STX2: variants seen among roughly 807,000 people sequenced by gnomAD.
STX2 encodes the protein syntaxin 2, also known as syntaxin-2.
A neutral mutation model predicts 40.6 loss-of-function variants in STX2; 27 were observed. The ratio of observed to expected loss-of-function variants is 0.66; its 90% confidence interval spans 0.49 to 0.92. The LOEUF is 0.92. STX2 is among the 40% of genes least tolerant of loss of function. The pLI is 0.00. For synonymous variants in STX2, 123 were observed against 119.1 expected (o/e 1.03, Z -0.22); for missense variants, 328 against 366.1 (o/e 0.90, Z 0.85).
intron 8 of STX2, among the ~76,000 whole-genome samples, chr12:130,800,271 A>G (rs1296655228): frequency 6.6e-6 from 1 of 151,772 alleles, no homozygotes; most frequent in Non-Finnish European, 1.5e-5. Context: ...AGAGTTCAAT[A>G]TATACATACA....
At chr12:130,831,003 G>C (rs762811373) in intron 1 of STX2, among the ~76,000 whole-genome samples, 1 of 152,218 alleles carries the variant, frequency 6.6e-6, no homozygotes, top group Non-Finnish European at 1.5e-5. Flanking sequence ...TAGCATTATA[G>C]TAAAATCACA....
chr12:130,800,700 C>T (rs145898257), intron 8 of STX2, among the ~76,000 whole-genome samples: 346 of 152,358 alleles, frequency 2.3e-3, no homozygotes, highest in African/African-American at 7.8e-3. Flanking sequence ...GTCTCACTGC[C>T]ATTACACTGT....
chr12:130,804,525 G>C (rs551540694), intron 6 of STX2, among the ~76,000 whole-genome samples: 1 of 152,072 alleles, frequency 6.6e-6, no homozygotes, highest in Admixed American at 6.6e-5. Flanking sequence ...GGCTGCACAC[G>C]TTCTACCCTG....
chr12:130,800,152 T>C (rs1399785162), intron 8 of STX2, among the ~76,000 whole-genome samples: 1 of 152,162 alleles, frequency 6.6e-6, no homozygotes, highest in Non-Finnish European at 1.5e-5. Flanking sequence ...ATCTCCATGG[T>C]ATTTGAAAAA....
chr12:130,793,520 G>A (rs559761810), intron 10 of STX2, among the ~76,000 whole-genome samples: 1 of 152,322 alleles, frequency 6.6e-6, no homozygotes, highest in South Asian at 2.1e-4. Context: ...CTCGATGTGT[G>A]TGCACTTTCC....
At chr12:130,799,678 G>A (rs141095794) in intron 8 of STX2, among the ~76,000 whole-genome samples, 3 of 152,224 alleles carry the variant, frequency 2.0e-5, no homozygotes, top group Non-Finnish European at 4.4e-5. Flanking sequence ...GCCGGGCGTA[G>A]TGGTGCAAAC....
chr12:130,827,408 T>C lies in STX2; in HGVS notation c.31-141A>G. 4 of 630,138 alleles carry C rather than the reference T, an allele frequency of 6.3e-6. No homozygotes were observed. In the South Asian group the frequency reaches 7.4e-5, roughly 12 times the overall value. The allele number at this position is 630,138 out of a possible 1,614,324, so 39.0% of individuals were successfully genotyped here. A position where few individuals can be genotyped will look rare whatever the true frequency, so the allele number is the denominator to read the frequency against. ...ATTGTAACAGACTAGCAGCCACCAC[T>C]ATCTACTCCAACTGAACTCCGCAAC... On this transcript the variant is annotated intron_variant, in intron 1 of 10. Transcript: ENST00000392373.
intron 1 of STX2, 138 bp downstream of exon 1, chr12:130,838,932 C>T: frequency 1.1e-6 from 1 of 937,460 alleles, no homozygotes; most frequent in South Asian, 3.5e-5. Flanking sequence ...ACCCTGCCCG[C>T]AGCCCCCGCC....
chr12:130,809,748 C>T (rs191684689), intron 4 of STX2, among the ~76,000 whole-genome samples: 1 of 152,078 alleles, frequency 6.6e-6, no homozygotes, highest in Non-Finnish European at 1.5e-5. Flanking sequence ...ACTCAGGAGG[C>T]GGAGGTTGCA....
intron 6 of STX2, among the ~76,000 whole-genome samples, chr12:130,802,957 T>C (rs1412180173): frequency 2.0e-5 from 3 of 152,126 alleles, no homozygotes; most frequent in African/African-American, 7.2e-5. Context: ...GGAGAGGAAA[T>C]GGGGAATGAC....
At chr12:130,833,381 C>T (rs1476798570) in intron 1 of STX2, among the ~76,000 whole-genome samples, 2 of 151,140 alleles carry the variant, frequency 1.3e-5, no homozygotes, top group Non-Finnish European at 2.9e-5. Flanking sequence ...GTACTACGTG[C>T]CCTCAAAGCC....
At chr12:130,819,022 A>T (rs1022821976) in intron 3 of STX2, among the ~76,000 whole-genome samples, 1 of 152,272 alleles carries the variant, frequency 6.6e-6, no homozygotes, top group African/African-American at 2.4e-5. Context: ...GTAGAAAGTG[A>T]AAAAAGAAAA....
intron 1 of STX2, among the ~76,000 whole-genome samples, chr12:130,830,137 C>T (rs531658700): frequency 3.1e-4 from 47 of 152,322 alleles, no homozygotes; most frequent in Non-Finnish European, 6.6e-4. Context: ...GGTGGACACC[C>T]ACCACTTCCC....
intron 6 of STX2, among the ~76,000 whole-genome samples, chr12:130,806,384 C>T (rs971597203): frequency 1.3e-5 from 2 of 152,200 alleles, no homozygotes; most frequent in Admixed American, 6.5e-5. Context: ...CCACGGCCCC[C>T]AGTCTCATGG....
intron 3 of STX2, among the ~76,000 whole-genome samples, chr12:130,816,981 C>T (rs1434754383): frequency 6.6e-6 from 1 of 152,100 alleles, no homozygotes; most frequent in East Asian, 1.9e-4. Context: ...GTGCTTCTAG[C>T]CATCTGCCAG....
intron 4 of STX2, among the ~76,000 whole-genome samples, chr12:130,811,579 G>A (rs1204647916): frequency 8.5e-6 from 1 of 117,784 alleles, no homozygotes; most frequent in Non-Finnish European, 1.6e-5. Flanking sequence ...TTGCTCTGTC[G>A]CCCAGGCTGG....
intron 2 of STX2, among the ~76,000 whole-genome samples, chr12:130,825,840 C>T (rs989150396): frequency 2.0e-5 from 3 of 152,070 alleles, no homozygotes; most frequent in Admixed American, 6.5e-5. Flanking sequence ...ATGAAGGTTC[C>T]GTCATTAAAA....
intron 3 of STX2, among the ~76,000 whole-genome samples, chr12:130,816,660 C>T (rs1156528976): frequency 1.3e-5 from 2 of 152,018 alleles, no homozygotes; most frequent in African/African-American, 2.4e-5. Context: ...AGAAACCTAA[C>T]AAGGTGCGAA....
intron 1 of STX2, among the ~76,000 whole-genome samples, chr12:130,829,786 G>A (rs1040120580): frequency 6.6e-6 from 1 of 152,140 alleles, no homozygotes. Context: ...AAGCATCACC[G>A]CTTTAAGTCA....
Sources: allele counts gnomAD v4.1 joint callset (sites outside exome capture counted in the v4.1 genomes callset), GRCh38; gene constraint gnomAD v4.1.1; transcripts MANE v1.5; gene names NCBI Gene and HGNC (gene_info 2026-07-23, HGNC 2026-07-21).